MTG2: variants seen among roughly 807,000 people sequenced by gnomAD.
The protein encoded by MTG2 is mitochondrial ribosome associated GTPase 2, also known as mitochondrial ribosome-associated GTPase 2.
Under a neutral mutation model 28.6 loss-of-function variants are expected in MTG2, and 23 were observed. The observed-to-expected ratio is 0.80, with a 90% CI of 0.58 to 1.14. The LOEUF is 1.14. Ranked by LOEUF, MTG2 falls within the 50% of genes most tolerant of loss-of-function variation. The pLI is 0.00. For missense variants in MTG2, 539 were observed against 552.0 expected (o/e 0.98, Z 0.24); for synonymous variants, 260 against 251.8 (o/e 1.03, Z -0.31).
rs2058166475 is a variant in MTG2 at position 62,201,295 on chromosome 20, C to T, written c.*218C>T. 5 of 611,724 alleles carry T rather than the reference C, an allele frequency of 8.2e-6. No individual in the cohort carries two copies. The highest frequency in any genetic ancestry group is 6.3e-5 in the South Asian group (3 of 47,600). 37.9% of individuals were successfully genotyped at this position (611,724 alleles called of 1,614,324 possible). A position where few individuals can be genotyped will look rare whatever the true frequency, so the allele number is the denominator to read the frequency against. ...CGTATTTCCTGCACCTGTCAGCCTGCACCGACTGATGAGCCAGTTGCTCAT... is the reference window on the plus strand; with the variant it reads ...CGTATTTCCTGCACCTGTCAGCCTGTACCGACTGATGAGCCAGTTGCTCAT... On this transcript the variant is annotated 3_prime_UTR_variant, in exon 7 of 7. Coordinates refer to ENST00000370823, the MANE Select transcript of MTG2 (RefSeq NM_015666.4).
rs776452013 is a variant in MTG2 at position 62,193,611 on chromosome 20, CTG to C, written c.192_193del (p.Lys67AlafsTer28). 2.5e-6 allele frequency: 4 copies of C among 1,611,542 alleles called. No homozygotes were observed. In the Admixed American group the frequency reaches 6.7e-5, roughly 27 times the overall value. On this transcript the variant is annotated frameshift_variant, in exon 2 of 7. Transcript: ENST00000370823. LOFTEE classifies it high-confidence loss of function. ...GAACTCCCGGGGAAGAAGCTGCTCT[CTG>C]AGAAAAAGCTGGTGAGACTCCTGGA...
In MTG2 at chr20:62,198,797, C is replaced by A; in HGVS notation, c.632C>A (p.Pro211Gln). The change falls in exon 5 of 7, where the codon CCA becomes CAA. Residue 211 changes from proline to glutamine, a missense_variant. Transcript: ENST00000370823. Reference sequence around the variant, plus strand: ...CCTGTGACCTGTACCCCTGGACAGCCAGGACAGCAGCGAGTTCTCCACCTG... The same window carrying A: ...CCTGTGACCTGTACCCCTGGACAGCAAGGACAGCAGCGAGTTCTCCACCTG... ...RAPVTCTPGQ[P>Q]GQQRVLHLEL... 2 of 1,614,134 alleles carry A rather than the reference C, an allele frequency of 1.2e-6. No homozygotes were observed. The highest frequency in any genetic ancestry group is 8.5e-7 in the Non-Finnish European group (1 of 1,180,044).
In MTG2 at chr20:62,195,911, G is replaced by T. The variant is rs1271230310; in HGVS notation, c.314G>T (p.Gly105Val). The change falls in exon 3 of 7, where the codon GGA becomes GTA. Residue 105 changes from glycine (G) to valine (V), a missense_variant. Coordinates refer to ENST00000370823, the MANE Select transcript of MTG2 (RefSeq NM_015666.4). ...CGCAAGGAGTTTGGAGGCCCTGATG[G>T]AGGGGACGGAGGCAACGGTGGACAC... is the stretch of plus-strand genomic sequence containing the variant. ...EPRKEFGGPDGGDGGNGGHVI... is the reference protein window; with the variant it reads ...EPRKEFGGPDVGDGGNGGHVI... The T allele has an allele frequency of 6.2e-7, 1 of 1,614,206 alleles. No individual in the cohort carries two copies. The highest frequency in any genetic ancestry group is 1.3e-5 in the African/African-American group (1 of 75,060).
At chr20:62,188,506 T>A (rs991522588) in intron 1 of MTG2, among the ~76,000 whole-genome samples, 5 of 136,146 alleles carry the variant, frequency 3.7e-5, no homozygotes, top group Non-Finnish European at 6.3e-5. Flanking sequence ...GCTAATCAGC[T>A]AATTTTTTTT....
intron 2 of MTG2, 78 bp from the exon 3 acceptor site, chr20:62,195,724 A>G: frequency 3.9e-6 from 6 of 1,539,368 alleles, no homozygotes; most frequent in East Asian, 2.3e-5. Flanking sequence ...TAGAAGATGT[A>G]CATCTCAAAT....
rs781662967 is a variant in MTG2, at chr20:62,201,127, T to C, written c.*50T>C. ...GGGCCTCTGTCTGAGCAAACCTGGG[T>C]GTGAATTCGGTGGTTTTGAATGCAT... On this transcript the variant is annotated 3_prime_UTR_variant, in exon 7 of 7. Transcript: ENST00000370823. 1.3e-6 allele frequency: 2 copies of C among 1,504,856 alleles called. No homozygotes were observed. Among genetic ancestry groups the C allele is most frequent in the South Asian group, 2.6e-5 (2 of 76,646 alleles). The allele number at this position is 1,504,856 out of a possible 1,614,324, so 93.2% of individuals were successfully genotyped here.
At chr20:62,199,084 G>C in intron 5 of MTG2, 35 bp from the exon 6 acceptor site, 6 of 1,611,910 alleles carry the variant, frequency 3.7e-6, no homozygotes, top group Non-Finnish European at 4.2e-6. Flanking sequence ...AGGTGCTGCC[G>C]CGGGCCGTGC....
intron 6 of MTG2, 23 bp from the exon 7 acceptor site, chr20:62,200,660 G>GT: frequency 6.4e-7 from 1 of 1,573,482 alleles, no homozygotes; most frequent in Non-Finnish European, 8.6e-7. Flanking sequence ...TGGTCACCTC[G>GT]TGTGCCCCTG....
chr20:62,193,511 C>T lies in MTG2; in HGVS notation c.91C>T (p.Pro31Ser), dbSNP rs748076327. 3 of 1,613,974 alleles carry T rather than the reference C, an allele frequency of 1.9e-6. No individual in the cohort carries two copies. Among genetic ancestry groups the T allele is most frequent in the Non-Finnish European group, 8.5e-7 (1 of 1,180,034 alleles). ...WALSTWAGLK[P>S]SRLLPQRASP... ...TTTGTCCACATGGGCTGGCCTGAAG[C>T]CCAGCCGGCTACTGCCACAGCGGGC... The change falls in exon 2 of 7, where the codon CCC becomes TCC. Residue 31 changes from proline to serine, a missense_variant. Pro to Ser is a moderately conservative substitution (Grantham distance 74). Coordinates refer to ENST00000370823, the MANE Select transcript of MTG2 (RefSeq NM_015666.4).
chr20:62,198,934 C>A lies in MTG2; in HGVS notation c.687+82C>A. The A allele has an allele frequency of 3.2e-6, 5 of 1,578,094 alleles. No homozygotes were observed. In the South Asian group the frequency reaches 4.5e-5, roughly 14 times the overall value. On this transcript the variant is annotated intron_variant, in intron 5 of 6. Transcript: ENST00000370823. ...TTTCTCAATGGGGATTTGCCAGTGG[C>A]CTGGAAGAGAACAGCTTTGCGACTC... is the stretch of plus-strand genomic sequence containing the variant.
rs774747684 is a variant in MTG2 at position 62,202,752 on chromosome 20, C to CAA, written c.*1689_*1690dup. The CAA allele has an allele frequency of 3.0e-4, 36 of 121,802 alleles. No homozygotes were observed. The highest frequency in any genetic ancestry group is 1.4e-3 in the Admixed American group (17 of 11,726). The allele number at this position is 121,802 out of a possible 1,614,324, so 7.5% of individuals were successfully genotyped here. On this transcript the variant is annotated 3_prime_UTR_variant, in exon 7 of 7. Coordinates refer to ENST00000370823, the MANE Select transcript of MTG2 (RefSeq NM_015666.4). ...TGAGCGACAGAGCAAGACTCCATCT[C>CAA]AAAAAAAAAAAAAAAGTGGAGGGGA...
chr20:62,199,172 C>G lies in MTG2; in HGVS notation c.741C>G (p.Ala247=), dbSNP rs761598904. Residue 247 remains alanine, a synonymous_variant, in exon 6 of 7, where the codon GCC becomes GCG. Coordinates refer to ENST00000370823, the MANE Select transcript of MTG2 (RefSeq NM_015666.4). ...KSSLLRAISN[A]RPAVASYPFT... ...CACTGCTCCGGGCCATTTCAAACGCCAGACCCGCCGTGGCTTCCTACCCGT... is the reference window on the plus strand; with the variant it reads ...CACTGCTCCGGGCCATTTCAAACGCGAGACCCGCCGTGGCTTCCTACCCGT... 4.3e-6 allele frequency: 7 copies of G among 1,614,160 alleles called. No individual in the cohort carries two copies. Among genetic ancestry groups the G allele is most frequent in the Non-Finnish European group, 5.9e-6 (7 of 1,180,030 alleles).
rs1237752345 is a variant in MTG2 at position 62,200,826 on chromosome 20, T to C, written c.970T>C (p.Leu324=). 6.2e-7 allele frequency: 1 copy of C among 1,613,914 alleles called. No individual in the cohort carries two copies. Among genetic ancestry groups the C allele is most frequent in the Middle Eastern group, 1.6e-4 (1 of 6,062 alleles). ...QPEPWTQVDD[L]KYELEMYEKG... is the part of the protein sequence containing the mutation. The stretch of plus-strand genomic sequence containing the variant: ...TGAGCCGTGGACTCAAGTTGACGAT[T>C]TAAAATATGAACTGGAGATGTATGA... Residue 324 remains leucine (L), a synonymous_variant, in exon 7 of 7, where the codon TTA becomes CTA. Coordinates refer to ENST00000370823, the MANE Select transcript of MTG2 (RefSeq NM_015666.4).
intron 2 of MTG2, among the ~76,000 whole-genome samples, chr20:62,195,195 C>CA (rs920905295): frequency 9.2e-5 from 14 of 151,762 alleles, no homozygotes; most frequent in African/African-American, 2.2e-4. Context: ...GACTCTGCCT[C>CA]AAAAAAAACC....
intron 3 of MTG2, 25 bp downstream of exon 3, chr20:62,195,974 G>C (rs565494824): frequency 1.9e-6 from 3 of 1,612,538 alleles, no homozygotes; most frequent in East Asian, 4.5e-5. Context: ...GCAGTGCAGC[G>C]GGGTTGAGGA....
chr20:62,186,662 G>A (rs553342895), intron 1 of MTG2, among the ~76,000 whole-genome samples: 6 of 151,856 alleles, frequency 4.0e-5, no homozygotes, highest in Admixed American at 3.9e-4. Flanking sequence ...CCGAGTAGCC[G>A]GGACTACAGG....
At chr20:62,198,606 C>T (rs1168671775) in intron 4 of MTG2, 28 bp from the exon 5 acceptor site, 1 of 1,608,370 alleles carries the variant, frequency 6.2e-7, no homozygotes, top group East Asian at 2.2e-5. Context: ...TGGTAGAGCT[C>T]AGCTGATGAG....
chr20:62,199,187 T>A lies in MTG2; in HGVS notation c.756T>A (p.Ala252=). ...TTTCAAACGCCAGACCCGCCGTGGC[T>A]TCCTACCCGTTCACCACCCTGAAGC... ...RAISNARPAV[A]SYPFTTLKPH... is the part of the protein sequence containing the mutation. The change falls in exon 6 of 7, where the codon GCT becomes GCA. Residue 252 remains alanine (A), a synonymous_variant. Coordinates refer to ENST00000370823, the MANE Select transcript of MTG2 (RefSeq NM_015666.4). 3.7e-6 allele frequency: 6 copies of A among 1,614,130 alleles called. No individual in the cohort carries two copies. The highest frequency in any genetic ancestry group is 5.1e-6 in the Non-Finnish European group (6 of 1,180,012).
intron 1 of MTG2, among the ~76,000 whole-genome samples, chr20:62,187,255 A>G (rs900521427): frequency 6.6e-6 from 1 of 152,160 alleles, no homozygotes; most frequent in African/African-American, 2.4e-5. Context: ...CAATTGGGTA[A>G]TATTTTGTTA....
Sources: gnomAD v4.1 joint callset for allele counts (sites outside exome capture counted in the v4.1 genomes callset) on GRCh38, gnomAD v4.1.1 for gene constraint, MANE v1.5 for transcripts, NCBI Gene and HGNC (gene_info 2026-07-23, HGNC 2026-07-21) for gene names.